SLC15A2: variants seen among roughly 807,000 people sequenced by gnomAD.
SLC15A2 encodes the protein kidney H(+)/peptide cotransporter.
In SLC15A2, 77 loss-of-function variants were observed where a neutral mutation model predicts 95.5. The observed-to-expected ratio is 0.81, with a 90% CI of 0.67 to 0.97. The LOEUF is 0.97. Ranked by LOEUF, SLC15A2 falls within the 50% of genes least tolerant of loss-of-function variation. SLC15A2 has a pLI of 0.00. For missense variants in SLC15A2, 893 were observed against 874.4 expected, an observed-to-expected ratio of 1.02 and a Z score of -0.27; for synonymous variants, 306 against 306.9, an observed-to-expected ratio of 1.00 and a Z score of 0.03.
Position 121,941,308 on chromosome 3 carries a change from T to G in SLC15A2, c.*301T>G. Reference sequence around the variant, plus strand: ...TATAATGGAGATCATTCTCTGTGGGTATGCAAAGTTATGGGAATTCCTTTA... The same window carrying G: ...TATAATGGAGATCATTCTCTGTGGGGATGCAAAGTTATGGGAATTCCTTTA... On this transcript the variant is annotated 3_prime_UTR_variant, in exon 22 of 22. Transcript: ENST00000489711. The G allele has an allele frequency of 4.5e-6, 1 of 222,902 alleles. No homozygotes were observed. The highest frequency in any genetic ancestry group is 9.0e-5 in the East Asian group (1 of 11,114). 13.8% of individuals were successfully genotyped at this position (222,902 alleles called of 1,614,324 possible).
rs547179529 is a variant in SLC15A2, at chr3:121,898,424, T to C, written c.335+895T>C. Among the ~76,000 whole-genome samples the C allele has an allele frequency of 2.6e-5, 4 of 152,344 alleles. No individual in the cohort carries two copies. The East Asian group carries it at 7.7e-4, about 29-fold the overall frequency. ...GAACACAGCACCAAGAGATATAACA[T>C]GGTATAATGTTATAATTGTCCCCTA... On this transcript the variant is annotated intron_variant, in intron 3 of 21. Coordinates refer to ENST00000489711, the MANE Select transcript of SLC15A2 (RefSeq NM_021082.4).
intron 19 of SLC15A2, among the ~76,000 whole-genome samples, chr3:121,933,124 G>T: frequency 6.9e-6 from 1 of 145,126 alleles, no homozygotes; most frequent in East Asian, 2.0e-4. Context: ...GTATTCCATG[G>T]TGTATATGTG....
intron 3 of SLC15A2, among the ~76,000 whole-genome samples, chr3:121,900,472 A>G (rs1709500114): frequency 6.6e-6 from 1 of 152,214 alleles, no homozygotes. Context: ...TTTTCCTAAA[A>G]GAAATCCTGA....
At position 121,903,041 on chromosome 3, in the gene SLC15A2, C is replaced by T. The variant is rs564998374; in HGVS notation, c.335+5512C>T. ...CTGTCTCCTGCCTTTTTAATGATTG[C>T]CATTCTAACTGGTGTGAGATGGTAT... On this transcript the variant is annotated intron_variant, in intron 3 of 21. Coordinates refer to ENST00000489711, the MANE Select transcript of SLC15A2 (RefSeq NM_021082.4). Among the ~76,000 whole-genome samples, 410 of 152,306 alleles carry T rather than the reference C, an allele frequency of 2.7e-3. 2 individuals are homozygous for T. The highest frequency in any genetic ancestry group is 3.9e-3 in the Non-Finnish European group (266 of 68,014).
At position 121,925,730 on chromosome 3, in the gene SLC15A2, A is replaced by G. The variant is rs1442844079; in HGVS notation, c.1124+697A>G. On this transcript the variant is annotated intron_variant, in intron 13 of 21. Coordinates refer to ENST00000489711, the MANE Select transcript of SLC15A2 (RefSeq NM_021082.4). ...TTACTTAGTAAAGGGGCTAGACTAT[A>G]TATATATATATATATATATATATAT... Among the ~76,000 whole-genome samples, 38 of 6,434 alleles carry G rather than the reference A, an allele frequency of 5.9e-3. 4 individuals carry two copies. Among genetic ancestry groups the G allele is most frequent in the East Asian group, 0.012 (2 of 170 alleles). 4.2% of individuals were successfully genotyped at this position (6,434 alleles called of 152,430 possible). A position where few individuals can be genotyped will look rare whatever the true frequency, so the allele number is the denominator to read the frequency against.
chr3:121,904,304 A>AT (rs1250025274), intron 3 of SLC15A2, among the ~76,000 whole-genome samples: 1 of 152,194 alleles, frequency 6.6e-6, no homozygotes, highest in East Asian at 1.9e-4. Flanking sequence ...AAACAGGGAC[A>AT]TTTTGACTTC....
Position 121,911,602 on chromosome 3 carries a change from G to A in SLC15A2, c.364G>A (p.Val122Met), listed in dbSNP as rs375861983. ...AATCATCTATCTCTCCTTGGTGTAT[G>A]TGCTTGGCCATGTGATCAAGTCCTT... ...KTIIYLSLVY[V>M]LGHVIKSLGA... The change falls in exon 4 of 22, where the codon GTG becomes ATG. Residue 122 changes from valine (V) to methionine (M), a missense_variant. By Grantham distance (21) the Val-to-Met change is conservative. Coordinates refer to ENST00000489711, the MANE Select transcript of SLC15A2 (RefSeq NM_021082.4). 1.9e-6 allele frequency: 3 copies of A among 1,613,888 alleles called. No individual in the cohort carries two copies. In the African/African-American group the frequency reaches 4.0e-5, roughly 22 times the overall value.
intron 5 of SLC15A2, among the ~76,000 whole-genome samples, chr3:121,914,499 T>A (rs1044642919): frequency 6.6e-6 from 1 of 152,192 alleles, no homozygotes; most frequent in Non-Finnish European, 1.5e-5. Context: ...AAGCACTAGG[T>A]GAACTATCCT....
chr3:121,924,500 GCCAAGCTTCGACATGAAAACAT>G, intron 12 of SLC15A2, 117 bp downstream of exon 12: 1 of 917,068 alleles, frequency 1.1e-6, no homozygotes, highest in Non-Finnish European at 1.8e-6. Flanking sequence ...GCTGATAAGG[GCCAAGCTTCGACATGAAAACAT>G]TCCCATTAAG....
At chr3:121,901,845 TTGTGTGTG>T (rs3047583) in intron 3 of SLC15A2, among the ~76,000 whole-genome samples, 1 of 148,918 alleles carries the variant, frequency 6.7e-6, no homozygotes, top group African/African-American at 2.5e-5. Context: ...GAGTATGTGT[TTGTGTGTG>T]TGTGTGTGTG....
Position 121,924,380 on chromosome 3 carries a change from G to T in SLC15A2, c.1032G>T (p.Met344Ile). The change falls in exon 12 of 22, where the codon ATG (methionine) becomes ATT (isoleucine). Residue 344 changes from methionine to isoleucine, a missense_variant. Physicochemically the swap from Met to Ile is conservative, Grantham distance 10. Transcript: ENST00000489711. ...LGFFVLQPDQ[M>I]QVLNPLLVLI... ...TTTTTGTGCTTCAGCCGGACCAGAT[G>T]CAGGTATGTGACTCTTCTATAGCCA... 6.2e-7 allele frequency: 1 copy of T among 1,613,318 alleles called. No individual in the cohort carries two copies. The highest frequency in any genetic ancestry group is 8.5e-7 in the Non-Finnish European group (1 of 1,179,414).
intron 19 of SLC15A2, among the ~76,000 whole-genome samples, chr3:121,938,191 G>T (rs545814402): frequency 5.2e-4 from 79 of 152,140 alleles, no homozygotes; most frequent in Non-Finnish European, 8.5e-4. Context: ...GGACATTTAA[G>T]TCTGCAGAGG....
Position 121,939,427 on chromosome 3 carries a change from C to T in SLC15A2, c.1840C>T (p.Gln614Ter), listed in dbSNP as rs1451266228. 1 of 1,578,330 alleles carries T rather than the reference C, an allele frequency of 6.3e-7. No homozygotes were observed. Among genetic ancestry groups the T allele is most frequent in the African/African-American group, 1.4e-5 (1 of 73,046 alleles). ...AATGTCCATTGCGTGGCAGCTACCA[C>T]AATATGCCCTGGTTACAGCTGGGGA... Reference protein sequence around the residue: ...NKMSIAWQLPQYALVTAGEVM... With the variant: ...NKMSIAWQLP The change falls in exon 20 of 22, where the codon CAA becomes TAA. Residue 614 changes from glutamine to a stop codon, truncating the protein, a stop_gained. Transcript: ENST00000489711. LOFTEE classifies it high-confidence loss of function.
chr3:121,910,417 G>A (rs781461114), intron 3 of SLC15A2, among the ~76,000 whole-genome samples: 6 of 151,918 alleles, frequency 3.9e-5, no homozygotes, highest in Non-Finnish European at 5.9e-5. Context: ...GGATGGTCTC[G>A]ATCTCCTGAC....
intron 3 of SLC15A2, among the ~76,000 whole-genome samples, chr3:121,904,888 C>A (rs1469962378): frequency 6.6e-6 from 1 of 152,198 alleles, no homozygotes; most frequent in Non-Finnish European, 1.5e-5. Context: ...AGGATTCTCT[C>A]TTTTTCTATT....
intron 3 of SLC15A2, among the ~76,000 whole-genome samples, chr3:121,906,996 G>A (rs2107577844): frequency 6.6e-6 from 1 of 152,296 alleles, no homozygotes; most frequent in East Asian, 1.9e-4. Context: ...CCAATCAAAT[G>A]TAGATTTGGT....
intron 1 of SLC15A2, chr3:121,895,262 A>G (rs1006514592): frequency 1.3e-5 from 2 of 152,158 alleles, no homozygotes; most frequent in African/African-American, 4.8e-5. Context: ...AGGTGTAGTG[A>G]CAATGCCAGT....
At chr3:121,934,691 C>T (rs1437243045) in intron 19 of SLC15A2, among the ~76,000 whole-genome samples, 2 of 152,138 alleles carry the variant, frequency 1.3e-5, no homozygotes, top group South Asian at 4.2e-4. Context: ...TCTAGATATA[C>T]AATCATGTCG....
chr3:121,930,113 T>G (rs555566469), intron 17 of SLC15A2, among the ~76,000 whole-genome samples: 3 of 152,360 alleles, frequency 2.0e-5, no homozygotes, highest in Non-Finnish European at 4.4e-5. Flanking sequence ...AAGGGGCATT[T>G]TCTAGGTCAG....
Sources: gnomAD v4.1 joint callset for allele counts (sites outside exome capture counted in the v4.1 genomes callset) on GRCh38, gnomAD v4.1.1 for gene constraint, MANE v1.5 for transcripts, NCBI Gene and HGNC (gene_info 2026-07-23, HGNC 2026-07-21) for gene names.